The following PITPNM2 variants were observed in gnomAD, a reference collection of about 807,000 sequenced individuals.
PITPNM2 encodes membrane-associated phosphatidylinositol transfer protein 2.
In PITPNM2, 35 loss-of-function variants were observed where a neutral mutation model predicts 132.2. The ratio of observed to expected loss-of-function variants is 0.26; its 90% CI spans 0.20 to 0.35. PITPNM2 has a LOEUF of 0.35. Ranked by LOEUF, PITPNM2 falls within the 10% of genes least tolerant of loss-of-function variation. The pLI is 1.00. For synonymous variants in PITPNM2, 738 were observed against 799.2 expected (o/e 0.92, Z 1.29); for missense variants, 1,332 against 1,912.0 (o/e 0.70, Z 5.66).
At chr12:123,092,493 T>C (rs978668075) in intron 2 of PITPNM2, 3 of 152,254 alleles carry the variant, frequency 2.0e-5, no homozygotes, top group Non-Finnish European at 4.4e-5. Flanking sequence ...AAACAAATAC[T>C]TAACTGCCCT....
chr12:123,141,903 G>C (rs1388720474), intron 1 of PITPNM2, among the ~76,000 whole-genome samples: 1 of 152,178 alleles, frequency 6.6e-6, no homozygotes, highest in Non-Finnish European at 1.5e-5. Flanking sequence ...GTTTTTTCCA[G>C]TGCTCCTTCT....
chr12:123,085,424 C>T (rs2042084596), intron 2 of PITPNM2, among the ~76,000 whole-genome samples: 1 of 152,138 alleles, frequency 6.6e-6, no homozygotes, highest in South Asian at 2.1e-4. Context: ...CAAAAGGCCA[C>T]ATATTGCAAG....
At position 122,990,487 on chromosome 12, in the gene PITPNM2, C is replaced by T. The variant is rs73411014; in HGVS notation, c.2569+58G>A. On this transcript the variant is annotated intron_variant, in intron 17 of 25. Coordinates refer to ENST00000320201, the MANE Select transcript of PITPNM2 (RefSeq NM_020845.3). ...CTCCTAGACATGGCCAGCAGCTGTC[C>T]CCTGTGGGCACAATGGCCCTGGCTG... The T allele has an allele frequency of 1.9e-6, 3 of 1,594,742 alleles. No homozygotes were observed. In the Admixed American group the frequency reaches 5.2e-5, roughly 27 times the overall value.
intron 1 of PITPNM2, among the ~76,000 whole-genome samples, chr12:123,118,270 T>A (rs973446515): frequency 6.6e-6 from 1 of 152,196 alleles, no homozygotes; most frequent in South Asian, 2.1e-4. Flanking sequence ...TTCAGGGAGA[T>A]TGGATACAGA....
rs371849774 is a variant in PITPNM2, at chr12:123,063,157, C to G, written c.-95-28472G>C. Among the ~76,000 whole-genome samples, 17 of 152,384 alleles carry G rather than the reference C, an allele frequency of 1.1e-4. No homozygotes were observed. In the East Asian group the frequency reaches 2.7e-3, roughly 24 times the overall value. On this transcript the variant is annotated intron_variant, in intron 2 of 25. Transcript: ENST00000320201. ...CAGGGCAAGGCCTGTGTTTCCAGGC[C>G]TGTGACTGGGCAAGCAAGGGTAGGC...
chr12:122,992,617 C>T lies in PITPNM2; in HGVS notation c.2286G>A (p.Ala762=). The change falls in exon 16 of 26, where the codon GCG becomes GCA. Residue 762 remains alanine, a synonymous_variant. Transcript: ENST00000320201. The surrounding 1 kb of genome is among the most constrained non-coding windows in gnomAD (Gnocchi z 6.5). ...CQQVYNLFHP[A]DPSASRLEPL... is the part of the protein sequence containing the mutation. ...GCTCCAGGCGTGAAGCTGACGGGTC[C>T]GCGGGGTGGAAGAGGTTGTAGACTT... is the stretch of plus-strand genomic sequence containing the variant. 2 of 1,607,022 alleles carry T rather than the reference C, an allele frequency of 1.2e-6. No individual in the cohort carries two copies. The highest frequency in any genetic ancestry group is 1.7e-6 in the Non-Finnish European group (2 of 1,177,074).
chr12:123,112,927 A>G (rs899314177), intron 1 of PITPNM2, among the ~76,000 whole-genome samples: 40 of 152,218 alleles, frequency 2.6e-4, no homozygotes, highest in African/African-American at 8.9e-4. Flanking sequence ...CAAGAACAAC[A>G]GAAGTCAGAA....
At chr12:123,103,770 G>C (rs1472642959) in intron 2 of PITPNM2, among the ~76,000 whole-genome samples, 1 of 152,130 alleles carries the variant, frequency 6.6e-6, no homozygotes, top group Non-Finnish European at 1.5e-5. Context: ...TTTTCCAGTG[G>C]GTTAGGTGTA....
At chr12:123,007,840 G>A (rs2039006711) in intron 6 of PITPNM2, among the ~76,000 whole-genome samples, 1 of 152,110 alleles carries the variant, frequency 6.6e-6, no homozygotes, top group Non-Finnish European at 1.5e-5. Context: ...GCAGTAATGA[G>A]GACAGCTGAG....
At chr12:123,046,847 G>T (rs1416010579) in intron 2 of PITPNM2, among the ~76,000 whole-genome samples, 1 of 152,210 alleles carries the variant, frequency 6.6e-6, no homozygotes, top group African/African-American at 2.4e-5. Context: ...CCAGGGCTTT[G>T]TGTCATTATG....
chr12:123,025,433 T>G (rs1566254319), intron 3 of PITPNM2, among the ~76,000 whole-genome samples: 1 of 129,382 alleles, frequency 7.7e-6, no homozygotes, highest in African/African-American at 2.8e-5. Context: ...TGGACCAGAT[T>G]TTTTTTTTTT....
chr12:123,010,758 G>A (rs779884412), intron 5 of PITPNM2: 1 of 154,996 alleles, frequency 6.5e-6, no homozygotes, highest in Non-Finnish European at 1.5e-5. Flanking sequence ...AGTTCCCTGA[G>A]AGCCAAGTGG....
chr12:123,129,609 T>C (rs1256916190), intron 1 of PITPNM2, among the ~76,000 whole-genome samples: 1 of 152,194 alleles, frequency 6.6e-6, no homozygotes, highest in Non-Finnish European at 1.5e-5. Context: ...CTTTATCAAA[T>C]GCTTTTCTGG....
chr12:123,073,435 G>A (rs1300460660), intron 2 of PITPNM2, among the ~76,000 whole-genome samples: 3 of 151,860 alleles, frequency 2.0e-5, no homozygotes, highest in Admixed American at 1.3e-4. Context: ...CCTACCATTC[G>A]CCACCGCCTA....
chr12:123,078,456 C>A lies in PITPNM2; in HGVS notation c.-96+31929G>T, dbSNP rs1057250529. Among the ~76,000 whole-genome samples, 1 of 152,210 alleles carries A rather than the reference C, an allele frequency of 6.6e-6. No homozygotes were observed. Among genetic ancestry groups the A allele is most frequent in the East Asian group, 1.9e-4 (1 of 5,186 alleles). ...CCAAGAGCCTGGGCCCTCCGTCTCA[C>A]GCCACGATGCCCAGCCAGAGCCTGA... On this transcript the variant is annotated intron_variant, in intron 2 of 25. Transcript: ENST00000320201. The surrounding 1 kb of genome is among the most constrained non-coding windows in gnomAD (Gnocchi z 7.3).
At chr12:123,076,868 C>G (rs2041806091) in intron 2 of PITPNM2, among the ~76,000 whole-genome samples, 1 of 152,180 alleles carries the variant, frequency 6.6e-6, no homozygotes, top group Admixed American at 6.5e-5. Flanking sequence ...CCCTCACTTT[C>G]CATCAACACG....
At chr12:123,079,643 G>A (rs559300269) in intron 2 of PITPNM2, among the ~76,000 whole-genome samples, 33 of 152,074 alleles carry the variant, frequency 2.2e-4, no homozygotes, top group Admixed American at 1.2e-3. Context: ...CACCGTGCCC[G>A]GCCTCTCTCT....
chr12:123,051,208 G>A (rs2040845111), intron 2 of PITPNM2, among the ~76,000 whole-genome samples: 1 of 152,216 alleles, frequency 6.6e-6, no homozygotes, highest in Admixed American at 6.5e-5. Context: ...GGTTGGGGAG[G>A]AGTCAAGGCA....
chr12:122,989,075 G>A (rs1475288289), intron 18 of PITPNM2, among the ~76,000 whole-genome samples: 1 of 152,222 alleles, frequency 6.6e-6, no homozygotes, highest in African/African-American at 2.4e-5. Flanking sequence ...ACAGTGGTGA[G>A]TGCCAGCCCT....
Sources: allele counts gnomAD v4.1 joint callset (sites outside exome capture counted in the v4.1 genomes callset), GRCh38; gene constraint gnomAD v4.1.1; non-coding constraint Gnocchi (gnomAD v3.1); transcripts MANE v1.5; gene names NCBI Gene and HGNC (gene_info 2026-07-23, HGNC 2026-07-21).